Variants in PCMTD1 observed in about 807,000 individuals in gnomAD.
The protein encoded by PCMTD1 is protein-L-isoaspartate O-methyltransferase domain-containing protein 1.
In PCMTD1, 12 loss-of-function variants were observed where a neutral mutation model predicts 37.6. The ratio of observed to expected loss-of-function variants is 0.32; its 90% CI spans 0.20 to 0.52. The LOEUF (loss-of-function observed/expected upper bound fraction) is 0.52, where lower values mean the gene tolerates loss of function less well. Ranked by LOEUF, PCMTD1 falls within the 20% of genes least tolerant of loss-of-function variation. The pLI, the probability that PCMTD1 is intolerant of heterozygous loss-of-function variation, is 0.97. For missense variants in PCMTD1, 235 were observed against 421.3 expected (o/e 0.56, Z 3.87); for synonymous variants, 117 against 135.8 (o/e 0.86, Z 0.96).
At chr8:51,871,960 A>G (rs755671165) in intron 1 of PCMTD1, among the ~76,000 whole-genome samples, 2 of 152,342 alleles carry the variant, frequency 1.3e-5, no homozygotes, top group African/African-American at 2.4e-5. Flanking sequence ...TAAGATGCCT[A>G]TATTCACAGA....
At chr8:51,874,226 T>C (rs72639746) in intron 1 of PCMTD1, among the ~76,000 whole-genome samples, 7,625 of 152,308 alleles carry the variant, frequency 0.05, 280 homozygotes, top group Non-Finnish European at 0.077. Context: ...TCATCAATGA[T>C]TCCATGAGTC....
At chr8:51,837,490 C>T (rs1329121533) in intron 3 of PCMTD1, among the ~76,000 whole-genome samples, 1 of 152,034 alleles carries the variant, frequency 6.6e-6, no homozygotes, top group Non-Finnish European at 1.5e-5. Flanking sequence ...AACTCATCTG[C>T]CAAACACACT....
Position 51,831,513 on chromosome 8 carries a change from C to T in PCMTD1, c.637G>A (p.Ala213Thr). 6.2e-7 allele frequency: 1 copy of T among 1,613,658 alleles called. No individual in the cohort carries two copies. Among genetic ancestry groups the T allele is most frequent in the Non-Finnish European group, 8.5e-7 (1 of 1,179,800 alleles). Residue 213 changes from alanine (A) to threonine (T), a missense_variant, in exon 5 of 6, where the codon GCT becomes ACT. Coordinates refer to ENST00000522514, the MANE Select transcript of PCMTD1 (RefSeq NM_052937.4). ...QNTWESKNIL[A>T]VSFAPLVQPS... ...TGCACAAGTGGAGCAAATGAAACAGCAAGGATATTTTTACTTTCCCAAGTG... is the reference window on the plus strand; with the variant it reads ...TGCACAAGTGGAGCAAATGAAACAGTAAGGATATTTTTACTTTCCCAAGTG...
intron 5 of PCMTD1, chr8:51,827,169 T>A: frequency 9.5e-7 from 1 of 1,048,220 alleles, no homozygotes; most frequent in South Asian, 2.7e-5. Context: ...TTTTCAAAAC[T>A]ATTTTCATGC....
chr8:51,861,678 A>G (rs1257906548), intron 1 of PCMTD1, among the ~76,000 whole-genome samples: 1 of 152,100 alleles, frequency 6.6e-6, no homozygotes, highest in Non-Finnish European at 1.5e-5. Flanking sequence ...TGACACTGTC[A>G]AGACTTGGTC....
intron 1 of PCMTD1, among the ~76,000 whole-genome samples, chr8:51,872,037 A>T (rs1016895334): frequency 6.6e-6 from 1 of 152,144 alleles, no homozygotes; most frequent in Admixed American, 6.5e-5. Context: ...AACAGTGTGA[A>T]CTCCAAGATA....
At chr8:51,888,576 G>GA (rs1421670199) in intron 1 of PCMTD1, among the ~76,000 whole-genome samples, 1 of 152,126 alleles carries the variant, frequency 6.6e-6, no homozygotes, top group Non-Finnish European at 1.5e-5. Context: ...ATATATGCAT[G>GA]AAAGTCTGAA....
intron 3 of PCMTD1, among the ~76,000 whole-genome samples, chr8:51,843,439 C>T (rs2038175226): frequency 6.6e-6 from 1 of 151,926 alleles, no homozygotes. Context: ...CATATAATAA[C>T]TAAAACAAGG....
chr8:51,841,874 C>T (rs1241937680), intron 3 of PCMTD1, among the ~76,000 whole-genome samples: 1 of 152,158 alleles, frequency 6.6e-6, no homozygotes, highest in Non-Finnish European at 1.5e-5. Flanking sequence ...GACTACAGCT[C>T]GTAAACAGAG....
intron 1 of PCMTD1, among the ~76,000 whole-genome samples, chr8:51,890,762 T>TA (rs1469981865): frequency 1.3e-5 from 2 of 152,168 alleles, no homozygotes; most frequent in African/African-American, 4.8e-5. Flanking sequence ...AGAAATCCCC[T>TA]AATAACATTA....
At position 51,899,033 on chromosome 8, in the gene PCMTD1, G is replaced by C. The variant is rs954420011; in HGVS notation, c.-199C>G. The C allele has an allele frequency of 7.3e-6, 11 of 1,510,514 alleles. No homozygotes were observed. Among genetic ancestry groups the C allele is most frequent in the South Asian group, 1.2e-5 (1 of 80,470 alleles). The allele number at this position is 1,510,514 out of a possible 1,614,324, so 93.6% of individuals were successfully genotyped here. A position where few individuals can be genotyped will look rare whatever the true frequency, so the allele number is the denominator to read the frequency against. The stretch of plus-strand genomic sequence containing the variant: ...CAATAACAACACGGACGCCACCGCC[G>C]AGTGGAGAGGCGGGGCCCGGACCCG... On this transcript the variant is annotated 5_prime_UTR_variant, in exon 1 of 6. Coordinates refer to ENST00000522514, the MANE Select transcript of PCMTD1 (RefSeq NM_052937.4).
intron 1 of PCMTD1, among the ~76,000 whole-genome samples, chr8:51,895,130 A>T (rs2038982526): frequency 1.3e-5 from 2 of 152,214 alleles, no homozygotes; most frequent in Non-Finnish European, 2.9e-5. Flanking sequence ...AAACTCTAAA[A>T]AGGAAAAGAA....
intron 2 of PCMTD1, chr8:51,850,007 G>A (rs1022793626): frequency 2.9e-6 from 2 of 697,754 alleles, no homozygotes; most frequent in African/African-American, 3.5e-5. Context: ...CAGGCAAAAA[G>A]TACTTCACAA....
intron 5 of PCMTD1, chr8:51,826,994 TA>T: frequency 1.1e-6 from 1 of 939,658 alleles, no homozygotes; most frequent in African/African-American, 1.8e-5. Context: ...GCAAATAATT[TA>T]TATATATATT....
chr8:51,834,330 C>T (rs2038037426), intron 3 of PCMTD1, among the ~76,000 whole-genome samples: 1 of 152,122 alleles, frequency 6.6e-6, no homozygotes, highest in Admixed American at 6.5e-5. Context: ...TCTCCCTAAG[C>T]AACAAGAGAT....
intron 4 of PCMTD1, among the ~76,000 whole-genome samples, chr8:51,832,551 T>A (rs1023644455): frequency 6.6e-6 from 1 of 152,228 alleles, no homozygotes; most frequent in African/African-American, 2.4e-5. Flanking sequence ...AACTACAAGG[T>A]TATTGTAAAC....
chr8:51,857,529 C>T (rs2038409303), intron 2 of PCMTD1, among the ~76,000 whole-genome samples: 1 of 152,100 alleles, frequency 6.6e-6, no homozygotes. Flanking sequence ...TTATGGAAAG[C>T]AGAGGTAAAA....
In PCMTD1 at chr8:51,855,198, A is replaced by C. The variant is rs377547180; in HGVS notation, c.307+5647T>G. 1.3e-3 allele frequency among the ~76,000 whole-genome samples: 185 copies of C among 143,386 alleles called. 1 individual carries two copies. In the South Asian group the frequency reaches 0.013, roughly 10 times the overall value. 94.1% of individuals were successfully genotyped at this position (143,386 alleles called of 152,430 possible). On this transcript the variant is annotated intron_variant, in intron 2 of 5. Transcript: ENST00000522514. ...TCAAAAAAAAAAAAAAACAAACAAA[A>C]AAAAAACATAATTTATAATTCCTAA...
intron 3 of PCMTD1, among the ~76,000 whole-genome samples, chr8:51,836,042 C>T (rs2038062135): frequency 6.6e-6 from 1 of 152,162 alleles, no homozygotes; most frequent in Non-Finnish European, 1.5e-5. Flanking sequence ...GGGAGACACT[C>T]GTGTCTATAT....
Sources: gnomAD v4.1 joint callset for allele counts (sites outside exome capture counted in the v4.1 genomes callset) on GRCh38, gnomAD v4.1.1 for gene constraint, MANE v1.5 for transcripts, NCBI Gene and HGNC (gene_info 2026-07-23, HGNC 2026-07-21) for gene names.